Variants in KALRN observed in about 807,000 individuals in gnomAD.
KALRN encodes kalirin RhoGEF kinase.
KALRN carries 70 observed loss-of-function variants against 353.7 expected under a neutral mutation model. That is an observed-to-expected ratio of 0.20 (90% CI 0.16 to 0.24). KALRN has a LOEUF of 0.24. Among genes scored for constraint, KALRN ranks in the 10% least tolerant of loss-of-function variants. The pLI is 1.00. For missense variants in KALRN, 2,791 were observed against 3,756.7 expected (o/e 0.74, Z 6.72); for synonymous variants, 1,391 against 1,434.8 (o/e 0.97, Z 0.69).
At chr3:124,269,503 A>G (rs371045482) in intron 5 of KALRN, among the ~76,000 whole-genome samples, 2 of 152,142 alleles carry the variant, frequency 1.3e-5, no homozygotes, top group Admixed American at 6.6e-5. Context: ...AGGTAGATGT[A>G]CTATTATAAT....
intron 10 of KALRN, among the ~76,000 whole-genome samples, chr3:124,355,783 T>G (rs2083334830): frequency 7.1e-6 from 1 of 140,722 alleles, no homozygotes; most frequent in African/African-American, 2.7e-5. Context: ...TGGTACAACC[T>G]TGGCTCACTG....
At chr3:124,085,144 G>T (rs1430338139) in intron 1 of KALRN, among the ~76,000 whole-genome samples, 2 of 152,228 alleles carry the variant, frequency 1.3e-5, no homozygotes, top group Non-Finnish European at 2.9e-5. Context: ...AGAGCCCATT[G>T]TACAAGGGCA....
At chr3:124,684,935 G>A (rs988877308) in intron 51 of KALRN, among the ~76,000 whole-genome samples, 2 of 151,698 alleles carry the variant, frequency 1.3e-5, no homozygotes, top group African/African-American at 2.4e-5. Context: ...CCTACTCCCC[G>A]CACCCCACTC....
At chr3:124,192,620 A>G (rs1261043220) in intron 1 of KALRN, among the ~76,000 whole-genome samples, 3 of 152,208 alleles carry the variant, frequency 2.0e-5, no homozygotes, top group Admixed American at 2.0e-4. Context: ...CCTGTATCCA[A>G]ACATCTCACA....
intron 13 of KALRN, among the ~76,000 whole-genome samples, chr3:124,407,077 A>G (rs1467835805): frequency 1.3e-5 from 2 of 151,914 alleles, no homozygotes; most frequent in Admixed American, 1.3e-4. Flanking sequence ...CAGGTGATCC[A>G]CCTGCGAAAG....
chr3:124,470,231 A>G (rs1015543954), intron 25 of KALRN, among the ~76,000 whole-genome samples: 10 of 152,194 alleles, frequency 6.6e-5, no homozygotes, highest in Admixed American at 2.6e-4. Context: ...AATTTATTAC[A>G]TGTAATTATT....
intron 3 of KALRN, among the ~76,000 whole-genome samples, chr3:124,244,998 A>G (rs1429883355): frequency 6.6e-6 from 1 of 151,776 alleles, no homozygotes; most frequent in African/African-American, 2.4e-5. Flanking sequence ...TGTTGGAAAC[A>G]TTCCAAATCT....
rs574693599 is a variant in KALRN, at chr3:124,614,051, G to C, written c.5183-18369G>C. Among the ~76,000 whole-genome samples, 13 of 152,260 alleles carry C rather than the reference G, an allele frequency of 8.5e-5. No individual in the cohort carries two copies. In the East Asian group the frequency reaches 2.5e-3, roughly 29 times the overall value. On this transcript the variant is annotated intron_variant, in intron 34 of 59. Transcript: ENST00000682506. The stretch of plus-strand genomic sequence containing the variant: ...GACTCATGGGTTGAGTATAAACCTG[G>C]CCTCAGACTAGCTTTCAGAATCCTC...
chr3:124,369,665 A>G (rs1019273655), intron 10 of KALRN, among the ~76,000 whole-genome samples: 1 of 152,186 alleles, frequency 6.6e-6, no homozygotes, highest in Admixed American at 6.5e-5. Flanking sequence ...TATAGATGCT[A>G]TGTTGTACAA....
chr3:124,370,190 T>C (rs953463005), intron 10 of KALRN, among the ~76,000 whole-genome samples: 8 of 152,218 alleles, frequency 5.3e-5, no homozygotes, highest in Non-Finnish European at 1.0e-4. Flanking sequence ...CAGGTCAATG[T>C]ATGTTCTTAA....
intron 3 of KALRN, among the ~76,000 whole-genome samples, chr3:124,240,515 C>G (rs73186302): frequency 0.063 from 9,541 of 152,208 alleles, 438 homozygotes; most frequent in East Asian, 0.18. Context: ...GGCTGCCTGA[C>G]AGGAACTGTG....
At chr3:124,435,085 C>G (rs1438854104) in intron 17 of KALRN, among the ~76,000 whole-genome samples, 2 of 152,202 alleles carry the variant, frequency 1.3e-5, no homozygotes, top group African/African-American at 4.8e-5. Flanking sequence ...CAAGTCTTTG[C>G]TTGTGTCATA....
chr3:124,163,623 C>T, intron 1 of KALRN: 2 of 984,774 alleles, frequency 2.0e-6, no homozygotes, highest in Non-Finnish European at 2.4e-6. Flanking sequence ...TAACATGGAT[C>T]TGCATAAAGA....
At chr3:124,499,609 T>G (rs1414447183) in intron 33 of KALRN, among the ~76,000 whole-genome samples, 1 of 152,220 alleles carries the variant, frequency 6.6e-6, no homozygotes, top group Non-Finnish European at 1.5e-5. Context: ...AGACCTAAAG[T>G]GATGTAGCTT....
chr3:124,308,357 T>C (rs2077910368), intron 6 of KALRN, among the ~76,000 whole-genome samples: 1 of 152,046 alleles, frequency 6.6e-6, no homozygotes, highest in South Asian at 2.1e-4. Flanking sequence ...CATCCAACAA[T>C]AGCAGACTAT....
intron 1 of KALRN, among the ~76,000 whole-genome samples, chr3:124,181,548 A>G (rs1234388506): frequency 6.6e-6 from 1 of 152,186 alleles, no homozygotes; most frequent in African/African-American, 2.4e-5. Context: ...TACGAAATGC[A>G]TGGCTCTCCC....
intron 33 of KALRN, among the ~76,000 whole-genome samples, chr3:124,521,237 G>A (rs1447118758): frequency 1.3e-5 from 2 of 152,268 alleles, no homozygotes; most frequent in South Asian, 2.1e-4. Flanking sequence ...AATATTTTTC[G>A]AGTGCCTCCA....
intron 14 of KALRN, among the ~76,000 whole-genome samples, chr3:124,414,044 T>C (rs889538079): frequency 6.6e-6 from 1 of 151,818 alleles, no homozygotes; most frequent in African/African-American, 2.4e-5. Flanking sequence ...AGATGGAGAC[T>C]GCAGTGAGCT....
chr3:124,300,352 G>GGTTT (rs1294788981), intron 6 of KALRN, among the ~76,000 whole-genome samples: 2 of 152,170 alleles, frequency 1.3e-5, no homozygotes, highest in Admixed American at 1.3e-4. Context: ...AAACAACAGA[G>GGTTT]GTTTGTTTAT....
Sources: allele counts gnomAD v4.1 joint callset (sites outside exome capture counted in the v4.1 genomes callset), GRCh38; gene constraint gnomAD v4.1.1; transcripts MANE v1.5; gene names NCBI Gene and HGNC (gene_info 2026-07-23, HGNC 2026-07-21).